The following ATG4A variants were observed in gnomAD, a reference collection of about 807,000 sequenced individuals.
The protein encoded by ATG4A is cysteine protease ATG4A.
ATG4A carries 22 observed loss-of-function variants against 38.4 expected under a neutral mutation model. That is an observed-to-expected ratio of 0.57 (90% CI 0.41 to 0.82). ATG4A has a LOEUF of 0.82. Among genes scored for constraint, ATG4A ranks in the 40% least tolerant of loss-of-function variants. ATG4A has a pLI of 0.00. For missense variants in ATG4A, 220 were observed against 290.0 expected, an observed-to-expected ratio of 0.76 and a Z score of 1.75; for synonymous variants, 86 against 100.7, an observed-to-expected ratio of 0.85 and a Z score of 0.88.
chrX:108,153,081 G>A lies in ATG4A; in HGVS notation c.1120G>A (p.Gly374Arg). The part of the protein sequence containing the change: ...PPAKPEVTTT[G>R]AEFIDSTEQL... ...AGCCAAGCCAGAAGTGACAACCACT[G>A]GGGCAGGTAAGCTGTTGTTCAATGG... Residue 374 changes from glycine to arginine, a missense_variant, in exon 12 of 13, where the codon GGG becomes AGG. This residue lies in a region of ATG4A where 159 missense variants were observed against 188.9 expected (regional missense o/e 0.84). Transcript: ENST00000372232. The A allele has an allele frequency of 8.3e-7, 1 of 1,199,113 alleles. No homozygotes were observed. The highest frequency in any genetic ancestry group is 1.1e-6 in the Non-Finnish European group (1 of 884,163).
intron 1 of ATG4A, among the ~76,000 whole-genome samples, chrX:108,119,297 G>C (rs1026490293): frequency 1.2e-4 from 13 of 112,067 alleles, no homozygotes; most frequent in African/African-American, 3.9e-4. Flanking sequence ...GTGTGACTGA[G>C]GAACTGCATT....
At chrX:108,143,332 G>T (rs959816519) in intron 9 of ATG4A, among the ~76,000 whole-genome samples, 3 of 111,418 alleles carry the variant, frequency 2.7e-5, no homozygotes, top group Admixed American at 1.9e-4. Flanking sequence ...ACTTCAGCAG[G>T]TCATGTTTTT....
intron 9 of ATG4A, among the ~76,000 whole-genome samples, chrX:108,142,877 C>T (rs2033337855): frequency 9.0e-6 from 1 of 111,664 alleles, no homozygotes; most frequent in Non-Finnish European, 1.9e-5. Flanking sequence ...CTCCTTCAAT[C>T]CAATCAAGTT....
chrX:108,130,137 A>G (rs2032916750), intron 3 of ATG4A, among the ~76,000 whole-genome samples: 1 of 111,149 alleles, frequency 9.0e-6, no homozygotes, highest in Non-Finnish European at 1.9e-5. Context: ...CACCCCTTCC[A>G]GGTCATAAAT....
chrX:108,134,208 C>G, intron 5 of ATG4A, 50 bp downstream of exon 5: 1 of 1,139,685 alleles, frequency 8.8e-7, no homozygotes, highest in Non-Finnish European at 1.2e-6. Context: ...CCTGTTCCTT[C>G]TCTTCCCTTG....
chrX:108,129,671 C>T (rs1217036540), intron 3 of ATG4A, among the ~76,000 whole-genome samples: 15 of 106,809 alleles, frequency 1.4e-4, no homozygotes, highest in African/African-American at 4.5e-4. Flanking sequence ...CCTGGGTTCA[C>T]GCCATTCTCC....
In ATG4A at chrX:108,091,848, G is replaced by C. The variant is rs1245806886; in HGVS notation, c.10+12G>C. 8.3e-7 allele frequency: 1 copy of C among 1,211,468 alleles called. No individual in the cohort carries two copies. The highest frequency in any genetic ancestry group is 2.2e-5 in the Admixed American group (1 of 46,038). Reference sequence around the variant, plus strand: ...GAGAATGGAGTCAGGTACGGGGAGCGGCTTTGAGTGGAACCGTGTGAAAGA... The same window carrying C: ...GAGAATGGAGTCAGGTACGGGGAGCCGCTTTGAGTGGAACCGTGTGAAAGA... On this transcript the variant is annotated intron_variant, in intron 1 of 12. Coordinates refer to ENST00000372232, the MANE Select transcript of ATG4A (RefSeq NM_052936.5).
chrX:108,132,338 GGACACT>G (rs2032979476), intron 4 of ATG4A, among the ~76,000 whole-genome samples: 2 of 112,220 alleles, frequency 1.8e-5, no homozygotes, highest in South Asian at 3.7e-4. Flanking sequence ...GAGAGCGAAA[GGACACT>G]TTGGATGAGA....
At position 108,137,948 on chromosome X, in the gene ATG4A, T is replaced by C. The variant is rs1258656908; in HGVS notation, c.692T>C (p.Leu231Pro). 1 of 1,205,342 alleles carries C rather than the reference T, an allele frequency of 8.3e-7. No homozygotes were observed. The highest frequency in any genetic ancestry group is 2.2e-5 in the Admixed American group (1 of 45,334). Reference sequence around the variant, plus strand: ...CTGCTGCTCATTGTGCCCCTTCGCCTGGGCATAAACCAAATCAATCCTGTC... The same window carrying C: ...CTGCTGCTCATTGTGCCCCTTCGCCCGGGCATAAACCAAATCAATCCTGTC... ...KPLLLIVPLRLGINQINPVYV... is the reference protein window; with the variant it reads ...KPLLLIVPLRPGINQINPVYV... Residue 231 changes from leucine to proline, a missense_variant, in exon 8 of 13, where the codon CTG becomes CCG. Physicochemically the swap from Leu to Pro is moderately conservative, Grantham distance 98. Around this residue, in one of 3 missense-constraint regions of ATG4A, gnomAD observed 159 missense variants for 188.9 expected, o/e 0.84. Coordinates refer to ENST00000372232, the MANE Select transcript of ATG4A (RefSeq NM_052936.5).
At chrX:108,136,031 C>T (rs190761115) in intron 6 of ATG4A, among the ~76,000 whole-genome samples, 2 of 111,289 alleles carry the variant, frequency 1.8e-5, no homozygotes, top group Non-Finnish European at 3.8e-5. Context: ...ATCCACCCGT[C>T]TCAACCTCCC....
chrX:108,113,992 G>A (rs995603256), intron 1 of ATG4A, among the ~76,000 whole-genome samples: 3 of 111,884 alleles, frequency 2.7e-5, no homozygotes, highest in African/African-American at 6.5e-5. Flanking sequence ...GGCTAGAGAT[G>A]CATCTAAAAG....
chrX:108,138,038 C>T (rs182929540), intron 8 of ATG4A, 47 bp downstream of exon 8: 48 of 1,193,617 alleles, frequency 4.0e-5, no homozygotes, highest in East Asian at 8.9e-5. Flanking sequence ...CCCATCACAC[C>T]GCCATCTCAG....
intron 10 of ATG4A, among the ~76,000 whole-genome samples, chrX:108,151,387 T>C (rs758831213): frequency 8.9e-6 from 1 of 112,535 alleles, no homozygotes; most frequent in East Asian, 2.8e-4. Flanking sequence ...TGATAGATAA[T>C]TTCCTGAAGG....
rs757846574 is a variant in ATG4A, at chrX:108,112,904, A to AT, written c.11-13164dup. Among the ~76,000 whole-genome samples the AT allele has an allele frequency of 4.0e-3, 434 of 108,765 alleles. 1 individual carries two copies. Among genetic ancestry groups the AT allele is most frequent in the Non-Finnish European group, 5.8e-3 (303 of 52,161 alleles). 94.4% of individuals were successfully genotyped at this position (108,765 alleles called of 115,157 possible). A position where few individuals can be genotyped will look rare whatever the true frequency, so the allele number is the denominator to read the frequency against. On this transcript the variant is annotated intron_variant, in intron 1 of 12. Transcript: ENST00000372232. ...TGGGAAACCATACTAGGTTTTTATG[A>AT]TTTTTTTTTATCTCTTTTCTTGTCT...
intron 9 of ATG4A, among the ~76,000 whole-genome samples, chrX:108,140,386 C>T (rs1262630026): frequency 1.8e-5 from 2 of 110,577 alleles, no homozygotes; most frequent in Non-Finnish European, 3.8e-5. Context: ...CTTTAAGTCC[C>T]TCTGACTCCC....
At chrX:108,151,658 A>T in intron 10 of ATG4A, 144 bp from the exon 11 acceptor site, 1 of 517,778 alleles carries the variant, frequency 1.9e-6, no homozygotes, top group Non-Finnish European at 3.3e-6. Flanking sequence ...GAGTTAGGAG[A>T]GAGAGAAGCC....
chrX:108,131,377 A>G lies in ATG4A; in HGVS notation c.292+19A>G. ...GGAAGGGGTGAGTTAAATTTGTTTT[A>G]TAAACTTTCTCAGAGACCTCTGCAG... is the stretch of plus-strand genomic sequence containing the variant. On this transcript the variant is annotated intron_variant, in intron 4 of 12. Transcript: ENST00000372232. The G allele has an allele frequency of 1.7e-6, 2 of 1,192,910 alleles. No individual in the cohort carries two copies. Among genetic ancestry groups the G allele is most frequent in the Non-Finnish European group, 1.1e-6 (1 of 878,858 alleles).
chrX:108,137,795 C>T lies in ATG4A; in HGVS notation c.548-9C>T. 8.7e-7 allele frequency: 1 copy of T among 1,148,682 alleles called. No individual in the cohort carries two copies. Among genetic ancestry groups the T allele is most frequent in the Non-Finnish European group, 1.2e-6 (1 of 866,612 alleles). 94.7% of individuals were successfully genotyped at this position (1,148,682 alleles called of 1,213,427 possible). A position where few individuals can be genotyped will look rare whatever the true frequency, so the allele number is the denominator to read the frequency against. On this transcript the variant is annotated splice_polypyrimidine_tract_variant and intron_variant, in intron 7 of 12. Coordinates refer to ENST00000372232, the MANE Select transcript of ATG4A (RefSeq NM_052936.5). ...TTACTTATCCAATATTCTGTTCTTC[C>T]ATTTCTAGAAAAAATGTGCCGTGTC...
At chrX:108,108,984 C>G (rs999774265) in intron 1 of ATG4A, among the ~76,000 whole-genome samples, 1 of 111,971 alleles carries the variant, frequency 8.9e-6, no homozygotes, top group Non-Finnish European at 1.9e-5. Context: ...GTGCAAATAT[C>G]TCTTTGAGAC....
Sources: allele counts gnomAD v4.1 joint callset (sites outside exome capture counted in the v4.1 genomes callset), GRCh38; gene constraint gnomAD v4.1.1; regional missense constraint gnomAD v4.1.1; transcripts MANE v1.5; gene names NCBI Gene and HGNC (gene_info 2026-07-23, HGNC 2026-07-21).